Variants in MYCBP2 observed in about 807,000 individuals in gnomAD.
The protein encoded by MYCBP2 is MYC binding protein 2.
A neutral mutation model predicts 525.3 loss-of-function variants in MYCBP2; 120 were observed. The ratio of observed to expected loss-of-function variants is 0.23; its 90% CI spans 0.20 to 0.27. MYCBP2 has a LOEUF of 0.27. MYCBP2 is among the 10% of genes least tolerant of loss of function. The pLI is 1.00. For missense variants in MYCBP2, 4,149 were observed against 5,657.1 expected (o/e 0.73, Z 8.55); for synonymous variants, 1,894 against 1,955.8 (o/e 0.97, Z 0.83).
chr13:77,053,892 T>C (rs561140092), intron 80 of MYCBP2, among the ~76,000 whole-genome samples: 1 of 152,164 alleles, frequency 6.6e-6, no homozygotes, highest in Admixed American at 6.5e-5. Flanking sequence ...TGCAAAGTAC[T>C]AGAGATAGAA....
chr13:77,102,456 A>C (rs994960290), intron 55 of MYCBP2, among the ~76,000 whole-genome samples: 2 of 151,672 alleles, frequency 1.3e-5, no homozygotes, highest in African/African-American at 4.8e-5. Context: ...TTTTTGATAA[A>C]ATTTTATTTA....
chr13:77,144,614 C>A (rs1343369592), intron 48 of MYCBP2, 54 bp from the exon 49 acceptor site: 4 of 1,129,144 alleles, frequency 3.5e-6, no homozygotes, highest in Non-Finnish European at 5.4e-6. Flanking sequence ...AAGCAGTCAA[C>A]ATCATTACGA....
Position 77,207,263 on chromosome 13 carries a change from A to G in MYCBP2, c.3417-438T>C, listed in dbSNP as rs934062317. ...ATAGCAAAAATTGGCAAGGACATGG[A>G]ATGCTATCCATAGAAAGGAAGCACA... On this transcript the variant is annotated intron_variant, in intron 23 of 82. Transcript: ENST00000544440. Among the ~76,000 whole-genome samples the G allele has an allele frequency of 3.3e-5, 5 of 152,228 alleles. No individual in the cohort carries two copies. In the East Asian group the frequency reaches 9.6e-4, roughly 29 times the overall value.
chr13:77,227,799 T>C (rs2066508442), intron 18 of MYCBP2, among the ~76,000 whole-genome samples: 1 of 152,166 alleles, frequency 6.6e-6, no homozygotes, highest in Admixed American at 6.5e-5. Flanking sequence ...AATCCCACAA[T>C]AGAGACATAG....
Position 77,051,039 on chromosome 13 carries a change from T to A in MYCBP2, c.13879A>T (p.Met4627Leu), listed in dbSNP as rs754638820. ...AGTTCTTCCTTAGGAATGCTAGTCA[T>A]TCTTTGAAAATCATCATGACAAGCA... ...CNACHDDFQR[M>L]TSIPKEELPH... The change falls in exon 82 of 83, where the codon ATG becomes TTG. Residue 4627 changes from methionine (M) to leucine (L), a missense_variant. Transcript: ENST00000544440. 2.5e-6 allele frequency: 4 copies of A among 1,613,454 alleles called. No homozygotes were observed. Among genetic ancestry groups the A allele is most frequent in the Non-Finnish European group, 2.5e-6 (3 of 1,179,842 alleles).
intron 61 of MYCBP2, 82 bp from the exon 62 acceptor site, chr13:77,087,715 T>A (rs1256300372): frequency 1.2e-5 from 14 of 1,177,378 alleles, no homozygotes; most frequent in Non-Finnish European, 1.7e-5. Context: ...CCTCCATGGA[T>A]TAAGACTTCA....
At chr13:77,145,415 G>C (rs2055367975) in intron 48 of MYCBP2, among the ~76,000 whole-genome samples, 1 of 152,036 alleles carries the variant, frequency 6.6e-6, no homozygotes, top group African/African-American at 2.4e-5. Context: ...TTTAATTTAA[G>C]GAATGCCCCA....
At chr13:77,198,319 T>C (rs9574013) in intron 26 of MYCBP2, among the ~76,000 whole-genome samples, 8,211 of 152,342 alleles carry the variant, frequency 0.054, 372 homozygotes, top group East Asian at 0.17. Context: ...TTAGCATGTA[T>C]TCCAACTATA....
intron 55 of MYCBP2, among the ~76,000 whole-genome samples, chr13:77,104,644 G>A (rs1005835341): frequency 4.6e-5 from 7 of 152,052 alleles, no homozygotes; most frequent in African/African-American, 7.2e-5. Flanking sequence ...GGAAATATCC[G>A]GCAGGCAAAT....
chr13:77,254,759 C>T (rs34408900), intron 14 of MYCBP2, among the ~76,000 whole-genome samples: 24,983 of 151,784 alleles, frequency 0.16, 2,345 homozygotes, highest in South Asian at 0.4. Flanking sequence ...TTCCTCTCCC[C>T]CTCCCACTAT....
At chr13:77,085,092 G>C (rs1368926066) in intron 62 of MYCBP2, among the ~76,000 whole-genome samples, 6 of 151,872 alleles carry the variant, frequency 4.0e-5, no homozygotes, top group Non-Finnish European at 8.8e-5. Context: ...TGCTGACACT[G>C]GCTGTTTCAT....
At chr13:77,318,165 A>G (rs2081190184) in intron 1 of MYCBP2, among the ~76,000 whole-genome samples, 1 of 152,178 alleles carries the variant, frequency 6.6e-6, no homozygotes, top group African/African-American at 2.4e-5. Flanking sequence ...TTTCCACTGT[A>G]TAAGGACTGG....
rs71704593 is a variant in MYCBP2 at position 77,227,481 on chromosome 13, T to TACAC, written c.2738-1931_2738-1928dup. ...AAAAGCCTACACACACACACACACA[T>TACAC]ACACACACACACACACACACACACA... On this transcript the variant is annotated intron_variant, in intron 18 of 82. Coordinates refer to ENST00000544440, the MANE Select transcript of MYCBP2 (RefSeq NM_015057.5). 8.2e-3 allele frequency among the ~76,000 whole-genome samples: 1,186 copies of TACAC among 145,268 alleles called. 13 individuals carry two copies. Among genetic ancestry groups the TACAC allele is most frequent in the African/African-American group, 0.024 (937 of 39,424 alleles).
chr13:77,069,122 A>G (rs2040678765), intron 69 of MYCBP2, among the ~76,000 whole-genome samples: 1 of 152,168 alleles, frequency 6.6e-6, no homozygotes, highest in Admixed American at 6.5e-5. Context: ...TCAAAAACCA[A>G]TCACCATATT....
chr13:77,046,173 TA>T, intron 82 of MYCBP2, among the ~76,000 whole-genome samples: 1 of 152,244 alleles, frequency 6.6e-6, no homozygotes, highest in Admixed American at 6.5e-5. Context: ...AACAGTATTT[TA>T]AAAAAGAAAA....
At chr13:77,057,154 TGG>T in intron 78 of MYCBP2, 61 bp from the exon 79 acceptor site, 1 of 1,205,604 alleles carries the variant, frequency 8.3e-7, no homozygotes. Context: ...GTTGAGTGAC[TGG>T]GAGATTATTT....
intron 51 of MYCBP2, among the ~76,000 whole-genome samples, chr13:77,139,692 A>G (rs2054298432): frequency 6.6e-6 from 1 of 152,238 alleles, no homozygotes; most frequent in African/African-American, 2.4e-5. Flanking sequence ...TGGTTATATT[A>G]CCAGAAAAAT....
At chr13:77,196,957 G>A (rs902319740) in intron 26 of MYCBP2, among the ~76,000 whole-genome samples, 1 of 152,206 alleles carries the variant, frequency 6.6e-6, no homozygotes, top group East Asian at 1.9e-4. Context: ...ACATTTAGAA[G>A]TCAGGAAGAT....
chr13:77,266,834 C>T (rs1238273705), intron 8 of MYCBP2, among the ~76,000 whole-genome samples: 3 of 149,540 alleles, frequency 2.0e-5, no homozygotes, highest in African/African-American at 7.4e-5. Flanking sequence ...ATCCGCTTTC[C>T]AAAGCTCCTC....
Sources: allele counts gnomAD v4.1 joint callset (sites outside exome capture counted in the v4.1 genomes callset), GRCh38; gene constraint gnomAD v4.1.1; transcripts MANE v1.5; gene names NCBI Gene and HGNC (gene_info 2026-07-23, HGNC 2026-07-21).